Variants in HDAC9 observed in about 807,000 individuals in gnomAD.
The protein encoded by HDAC9 is histone deacetylase 9.
Under a neutral mutation model 139.4 loss-of-function variants are expected in HDAC9, and 41 were observed. The observed-to-expected ratio is 0.29, with a 90% CI of 0.23 to 0.38. The LOEUF (loss-of-function observed/expected upper bound fraction) is 0.38. HDAC9 is among the 10% of genes least tolerant of loss of function. The pLI is 1.00. For missense variants in HDAC9, 1,147 were observed against 1,297.0 expected (o/e 0.88, Z 1.78); for synonymous variants, 517 against 476.2 (o/e 1.09, Z -1.12).
At chr7:18,817,161 A>C (rs1192855405) in intron 17 of HDAC9, among the ~76,000 whole-genome samples, 2 of 151,854 alleles carry the variant, frequency 1.3e-5, no homozygotes, top group African/African-American at 4.8e-5. Context: ...CAGCCTCCTG[A>C]GTAGCTGAGA....
At chr7:18,652,899 A>C (rs1051844983) in intron 11 of HDAC9, among the ~76,000 whole-genome samples, 14 of 152,092 alleles carry the variant, frequency 9.2e-5, no homozygotes, top group Admixed American at 3.9e-4. Context: ...CAGTGTCCTC[A>C]TGGAGCTTAT....
At chr7:18,362,463 G>A (rs1783856579) in intron 1 of HDAC9, among the ~76,000 whole-genome samples, 1 of 152,230 alleles carries the variant, frequency 6.6e-6, no homozygotes, top group East Asian at 1.9e-4. Flanking sequence ...AAATATTGGG[G>A]AATTTGGAGA....
At chr7:18,749,473 T>C (rs1014269995) in intron 14 of HDAC9, among the ~76,000 whole-genome samples, 1 of 152,218 alleles carries the variant, frequency 6.6e-6, no homozygotes, top group Non-Finnish European at 1.5e-5. Flanking sequence ...ATTATTATTT[T>C]TGGTTATAAA....
At chr7:18,970,633 T>A (rs1585437945) in intron 24 of HDAC9, among the ~76,000 whole-genome samples, 2 of 152,166 alleles carry the variant, frequency 1.3e-5, no homozygotes, top group African/African-American at 4.8e-5. Flanking sequence ...ACTAAAAAAT[T>A]TATCTTAAAA....
chr7:18,189,264 G>A (rs1444339033), intron 2 of HDAC9, among the ~76,000 whole-genome samples: 2 of 150,728 alleles, frequency 1.3e-5, no homozygotes, highest in African/African-American at 4.9e-5. Flanking sequence ...AACACCGCAT[G>A]TTCTCACTCG....
At chr7:18,744,962 A>G (rs1476417507) in intron 13 of HDAC9, among the ~76,000 whole-genome samples, 1 of 152,152 alleles carries the variant, frequency 6.6e-6, no homozygotes, top group East Asian at 1.9e-4. Flanking sequence ...TCCTTTGTGT[A>G]TTTTTCAAAT....
At chr7:18,743,606 C>CAA (rs35338088) in intron 13 of HDAC9, among the ~76,000 whole-genome samples, 56 of 117,158 alleles carry the variant, frequency 4.8e-4, no homozygotes, top group Middle Eastern at 5.0e-3. Flanking sequence ...GACTGCGTCT[C>CAA]AAAAAAAAAA....
intron 2 of HDAC9, among the ~76,000 whole-genome samples, chr7:18,500,158 G>C (rs951208634): frequency 6.6e-6 from 1 of 152,054 alleles, no homozygotes; most frequent in Non-Finnish European, 1.5e-5. Flanking sequence ...TGACACAGGA[G>C]GCATAATTAT....
At chr7:18,949,455 C>T (rs1249269170) in intron 23 of HDAC9, 1 of 225,150 alleles carries the variant, frequency 4.4e-6, no homozygotes, top group Non-Finnish European at 9.2e-6. Flanking sequence ...AACTATGCTT[C>T]AACCATAAGA....
chr7:18,689,232 AAATGAAT>A lies in HDAC9; in HGVS notation c.1731+22758_1731+22764del. ...TTTTCTAAACATTATTGCAACTTCCAAATGAATACATTATTTCCCTCCCACCGTAGGA... is the reference window on the plus strand; with the variant it reads ...TTTTCTAAACATTATTGCAACTTCCAACATTATTTCCCTCCCACCGTAGGA... On this transcript the variant is annotated intron_variant, in intron 12 of 25. Transcript: ENST00000686413. 2.5e-5 allele frequency among the ~76,000 whole-genome samples: 3 copies of A among 120,500 alleles called. No homozygotes were observed. In the Middle Eastern group the frequency reaches 0.011, roughly 456 times the overall value. The allele number at this position is 120,500 out of a possible 152,430, so 79.1% of individuals were successfully genotyped here. A position where few individuals can be genotyped will look rare whatever the true frequency, so the allele number is the denominator to read the frequency against.
intron 11 of HDAC9, among the ~76,000 whole-genome samples, chr7:18,655,558 T>A (rs960087622): frequency 2.6e-5 from 4 of 152,180 alleles, no homozygotes; most frequent in Non-Finnish European, 4.4e-5. Flanking sequence ...ACTATATAAT[T>A]ACAAGTTGAT....
chr7:18,353,342 C>T (rs149005427), intron 1 of HDAC9, among the ~76,000 whole-genome samples: 1 of 151,934 alleles, frequency 6.6e-6, no homozygotes, highest in African/African-American at 2.4e-5. Context: ...AGCCTAAGAT[C>T]TCATAACTCC....
rs1786727930 is a variant in HDAC9, at chr7:18,150,869, AGAGT to A, written c.-96-11353_-96-11350del. Among the ~76,000 whole-genome samples, 4 of 152,354 alleles carry A rather than the reference AGAGT, an allele frequency of 2.6e-5. No homozygotes were observed. In the South Asian group the frequency reaches 8.3e-4, roughly 32 times the overall value. ...TAAGGAAGTATTGCAGAGGAACTTA[AGAGT>A]GAGTGACAGTTGACAAAAAGAAATG... On this transcript the variant is annotated intron_variant, in intron 1 of 12. Coordinates refer to the HDAC9 transcript ENST00000417496.
chr7:18,590,264 T>G, intron 3 of HDAC9, 72 bp from the exon 4 acceptor site: 1 of 1,479,286 alleles, frequency 6.8e-7, no homozygotes, highest in Non-Finnish European at 9.2e-7. Flanking sequence ...CTCATAACAT[T>G]TCAGTTTTGG....
chr7:18,096,523 C>G (rs1177870267), intron 1 of HDAC9, among the ~76,000 whole-genome samples: 1 of 152,192 alleles, frequency 6.6e-6, no homozygotes, highest in Non-Finnish European at 1.5e-5. Flanking sequence ...TATTTCACAT[C>G]AAGCTCATGG....
chr7:18,552,579 C>T (rs1362634625), intron 2 of HDAC9, among the ~76,000 whole-genome samples: 9 of 152,104 alleles, frequency 5.9e-5, no homozygotes, highest in African/African-American at 1.4e-4. Flanking sequence ...AATAATGACC[C>T]GGTTTTCTTT....
intron 2 of HDAC9, among the ~76,000 whole-genome samples, chr7:18,181,141 T>C (rs560672611): frequency 3.2e-4 from 49 of 152,336 alleles, no homozygotes; most frequent in Middle Eastern, 3.4e-3. Context: ...TCACAAGTTC[T>C]AGGGATAAGG....
chr7:18,721,226 C>T (rs1785119218), intron 12 of HDAC9, among the ~76,000 whole-genome samples: 1 of 151,994 alleles, frequency 6.6e-6, no homozygotes, highest in Non-Finnish European at 1.5e-5. Flanking sequence ...AGAAATAAAA[C>T]ACTACAGGTA....
chr7:18,778,197 A>G (rs2129169240), intron 16 of HDAC9, among the ~76,000 whole-genome samples: 1 of 152,160 alleles, frequency 6.6e-6, no homozygotes, highest in African/African-American at 2.4e-5. Flanking sequence ...AGCCGTAAGA[A>G]AAAAACAATT....
Sources: allele counts gnomAD v4.1 joint callset (sites outside exome capture counted in the v4.1 genomes callset), GRCh38; gene constraint gnomAD v4.1.1; transcripts MANE v1.5; gene names NCBI Gene and HGNC (gene_info 2026-07-23, HGNC 2026-07-21).